Variants in RUBCNL observed in about 807,000 individuals in gnomAD.
RUBCNL encodes protein associated with UVRAG as autophagy enhancer.
RUBCNL carries 62 observed loss-of-function variants against 69.5 expected under a neutral mutation model. The ratio of observed to expected loss-of-function variants is 0.89; its 90% confidence interval spans 0.73 to 1.10. The LOEUF (loss-of-function observed/expected upper bound fraction) is 1.10. Ranked by LOEUF, RUBCNL falls within the 50% of genes least tolerant of loss-of-function variation. The pLI, the probability that RUBCNL is intolerant of heterozygous loss-of-function variation, is 0.00. For synonymous variants in RUBCNL, 291 were observed against 303.6 expected (o/e 0.96, Z 0.43); for missense variants, 768 against 798.1 (o/e 0.96, Z 0.45).
At position 46,350,300 on chromosome 13, in the gene RUBCNL, TCA is replaced by T; in HGVS notation, c.1380_1381del (p.Cys460Ter). The T allele has an allele frequency of 6.3e-7, 1 of 1,575,642 alleles. No homozygotes were observed. The highest frequency in any genetic ancestry group is 8.6e-7 in the Non-Finnish European group (1 of 1,159,520). The stretch of plus-strand genomic sequence containing the variant: ...CGACTCTGCATATGAGTGGCAGCAG[TCA>T]CAGAAATACTTCCCTAGGTATTCGC... On this transcript the variant is annotated stop_gained and frameshift_variant, in exon 11 of 15. Coordinates refer to ENST00000429979, the MANE Select transcript of RUBCNL (RefSeq NM_025113.5). LOFTEE classifies it high-confidence loss of function.
At chr13:46,349,463 A>C (rs2048322291) in intron 11 of RUBCNL, 116 bp from the exon 12 acceptor site, 2 of 1,004,596 alleles carry the variant, frequency 2.0e-6, no homozygotes, top group Non-Finnish European at 3.0e-6. Flanking sequence ...GTATAAAACA[A>C]ACCTTGAAAG....
intron 1 of RUBCNL, among the ~76,000 whole-genome samples, chr13:46,386,449 G>A (rs2049245998): frequency 6.6e-6 from 1 of 152,072 alleles, no homozygotes; most frequent in Admixed American, 6.5e-5. Flanking sequence ...CACTCAAGGC[G>A]AAATAACCCC....
chr13:46,372,543 C>T lies in RUBCNL; in HGVS notation c.-68G>A. On this transcript the variant is annotated 5_prime_UTR_variant, in exon 3 of 15. Coordinates refer to ENST00000429979, the MANE Select transcript of RUBCNL (RefSeq NM_025113.5). The stretch of plus-strand genomic sequence containing the variant: ...AGGAGTTCCCTGATTGCTGGTACTA[C>T]TTGATTTGGGCCCTGAACTCACCAC... 4.0e-6 allele frequency: 6 copies of T among 1,515,100 alleles called. No homozygotes were observed. In the South Asian group the frequency reaches 6.4e-5, roughly 16 times the overall value. The allele number at this position is 1,515,100 out of a possible 1,614,324, so 93.9% of individuals were successfully genotyped here.
In RUBCNL at chr13:46,336,077, G is replaced by A. The variant is rs1287732893; in HGVS notation, c.*7308C>T. On this transcript the variant is annotated 3_prime_UTR_variant, in exon 15 of 15. Transcript: ENST00000429979. ...GAGACCACTGTCTACAGAGGAAGGGGAGAAATCACAAATGTCATGATGTTT... is the reference window on the plus strand; with the variant it reads ...GAGACCACTGTCTACAGAGGAAGGGAAGAAATCACAAATGTCATGATGTTT... Among the ~76,000 whole-genome samples the A allele has an allele frequency of 6.6e-6, 1 of 152,212 alleles. No homozygotes were observed. The highest frequency in any genetic ancestry group is 1.5e-5 in the Non-Finnish European group (1 of 68,036).
At chr13:46,379,823 T>C (rs751043973) in intron 1 of RUBCNL, among the ~76,000 whole-genome samples, 1 of 152,254 alleles carries the variant, frequency 6.6e-6, no homozygotes, top group African/African-American at 2.4e-5. Flanking sequence ...ACTTCTTCCC[T>C]TCTTTCTCAG....
At position 46,372,133 on chromosome 13, in the gene RUBCNL, C is replaced by T. The variant is rs764655857; in HGVS notation, c.343G>A (p.Ala115Thr). 2.0e-5 allele frequency: 32 copies of T among 1,613,874 alleles called. No homozygotes were observed. Among genetic ancestry groups the T allele is most frequent in the African/African-American group, 4.0e-5 (3 of 74,914 alleles). ...SEDTTDSVGS[A>T]SPHGSSEKSS... ...TTTTCACTCGAGCCATGGGGAGAAG[C>T]GCTGCCAACGGAGTCTGTGGTATCC... Residue 115 changes from alanine (A) to threonine (T), a missense_variant, in exon 3 of 15, where the codon GCT (alanine) becomes ACT (threonine). Transcript: ENST00000429979.
At chr13:46,380,553 T>G (rs1292346517) in intron 1 of RUBCNL, among the ~76,000 whole-genome samples, 1 of 152,206 alleles carries the variant, frequency 6.6e-6, no homozygotes, top group Non-Finnish European at 1.5e-5. Context: ...CAAAGTAATT[T>G]TAAGAACTTT....
chr13:46,372,597 T>C lies in RUBCNL; in HGVS notation c.-122A>G. ...GCCAGCTGGGGGTCTGGAGAGCTAT[T>C]CTGCAATGAGCAAGGAATCATTCAA... On this transcript the variant is annotated splice_region_variant and 5_prime_UTR_variant, in exon 3 of 15. The change abolishes the stop of an existing upstream ORF in the 5' untranslated region. Transcript: ENST00000429979. 6.9e-7 allele frequency: 1 copy of C among 1,449,814 alleles called. No individual in the cohort carries two copies. The highest frequency in any genetic ancestry group is 9.1e-7 in the Non-Finnish European group (1 of 1,102,716). 89.8% of individuals were successfully genotyped at this position (1,449,814 alleles called of 1,614,324 possible). A position where few individuals can be genotyped will look rare whatever the true frequency, so the allele number is the denominator to read the frequency against.
At chr13:46,358,073 A>G (rs928778633) in intron 9 of RUBCNL, among the ~76,000 whole-genome samples, 3 of 152,244 alleles carry the variant, frequency 2.0e-5, no homozygotes, top group Non-Finnish European at 2.9e-5. Context: ...CCCAGGTGCC[A>G]TAGTGAGGAC....
rs201273219 is a variant in RUBCNL at position 46,372,390 on chromosome 13, G to A, written c.86C>T (p.Ser29Leu). Residue 29 changes from serine (S) to leucine (L), a missense_variant, in exon 3 of 15, where the codon TCG (serine) becomes TTG (leucine). Transcript: ENST00000429979. ...ISDHSGIIDG[S>L]PRLLNTDHPP... ...ATGGTCAGTGTTCAGGAGTCTGGGC[G>A]AACCATCAATAATGCCAGAGTGATC... is the stretch of plus-strand genomic sequence containing the variant. 30 of 1,613,750 alleles carry A rather than the reference G, an allele frequency of 1.9e-5. No homozygotes were observed. Among genetic ancestry groups the A allele is most frequent in the South Asian group, 3.3e-5 (3 of 91,030 alleles).
chr13:46,337,567 C>T lies in RUBCNL; in HGVS notation c.*5818G>A, dbSNP rs2048112355. Among the ~76,000 whole-genome samples the T allele has an allele frequency of 6.6e-6, 1 of 152,094 alleles. No individual in the cohort carries two copies. The highest frequency in any genetic ancestry group is 1.5e-5 in the Non-Finnish European group (1 of 67,978). On this transcript the variant is annotated 3_prime_UTR_variant, in exon 15 of 15. Coordinates refer to ENST00000429979, the MANE Select transcript of RUBCNL (RefSeq NM_025113.5). ...TGCTGTTGTCTTGATCTTGGACTTC[C>T]TAGCCTCCAGAACTGTTAGCAGTAA...
At chr13:46,351,879 A>G (rs1594139053) in intron 10 of RUBCNL, among the ~76,000 whole-genome samples, 2 of 135,658 alleles carry the variant, frequency 1.5e-5, no homozygotes, top group Non-Finnish European at 3.0e-5. Flanking sequence ...CCCAGGCTGG[A>G]GTGCAGTGGC....
chr13:46,383,104 G>A (rs746249432), intron 1 of RUBCNL, among the ~76,000 whole-genome samples: 5 of 152,242 alleles, frequency 3.3e-5, no homozygotes, highest in African/African-American at 1.2e-4. Flanking sequence ...GATAACTGCC[G>A]AAGCTGGGAG....
At chr13:46,386,596 T>A (rs903560475) in intron 1 of RUBCNL, among the ~76,000 whole-genome samples, 1 of 148,746 alleles carries the variant, frequency 6.7e-6, no homozygotes, top group Non-Finnish European at 1.5e-5. Flanking sequence ...TGGCGGGGGG[T>A]TGGGGGCGAG....
rs371701895 is a variant in RUBCNL, at chr13:46,350,276, G to A, written c.1406C>T (p.Ser469Leu). The change falls in exon 11 of 15, where the codon TCG (serine) becomes TTG (leucine). Residue 469 changes from serine (S) to leucine (L), a missense_variant. Coordinates refer to ENST00000429979, the MANE Select transcript of RUBCNL (RefSeq NM_025113.5). The part of the protein sequence containing the change: ...FCDCCHSYAE[S>L]CIPARILMMW... ...CATCAGGATTCGGGCAGGGATGCAC[G>A]ACTCTGCATATGAGTGGCAGCAGTC... The A allele has an allele frequency of 5.8e-4, 916 of 1,586,974 alleles. 11 individuals are homozygous for A. The South Asian group carries it at 9.8e-3, about 17-fold the overall frequency.
intron 12 of RUBCNL, among the ~76,000 whole-genome samples, chr13:46,348,435 T>C (rs748048963): frequency 2.6e-5 from 4 of 152,026 alleles, no homozygotes; most frequent in Non-Finnish European, 5.9e-5. Context: ...TCTTAATGAG[T>C]TAAATTCTCC....
intron 12 of RUBCNL, among the ~76,000 whole-genome samples, chr13:46,347,958 A>G (rs2048284808): frequency 6.6e-6 from 1 of 152,118 alleles, no homozygotes; most frequent in South Asian, 2.1e-4. Flanking sequence ...GCGCCACTGC[A>G]CTCCAGCCTG....
rs945525888 is a variant in RUBCNL at position 46,340,608 on chromosome 13, G to A, written c.*2777C>T. ...GCTGGGTGATTTATAAAGAAAAGAG[G>A]TTAATTTGGCTTATGGTTCTGCGGG... On this transcript the variant is annotated 3_prime_UTR_variant, in exon 15 of 15. Transcript: ENST00000429979. Among the ~76,000 whole-genome samples, 5 of 152,196 alleles carry A rather than the reference G, an allele frequency of 3.3e-5. No homozygotes were observed. The highest frequency in any genetic ancestry group is 1.2e-4 in the African/African-American group (5 of 41,448).
Position 46,335,373 on chromosome 13 carries a change from G to C in RUBCNL, c.*8012C>G, listed in dbSNP as rs1190999255. Reference sequence around the variant, plus strand: ...CCTGCATTGGCCTCCCAAAGTGCTGGGATTACAGACACGAGCCAGCACCCA... The same window carrying C: ...CCTGCATTGGCCTCCCAAAGTGCTGCGATTACAGACACGAGCCAGCACCCA... On this transcript the variant is annotated 3_prime_UTR_variant, in exon 15 of 15. Transcript: ENST00000429979. 6.6e-6 allele frequency among the ~76,000 whole-genome samples: 1 copy of C among 150,920 alleles called. No individual in the cohort carries two copies. The highest frequency in any genetic ancestry group is 2.4e-5 in the African/African-American group (1 of 40,860).
Sources: allele counts gnomAD v4.1 joint callset (sites outside exome capture counted in the v4.1 genomes callset), GRCh38; gene constraint gnomAD v4.1.1; transcripts MANE v1.5; gene names NCBI Gene and HGNC (gene_info 2026-07-23, HGNC 2026-07-21).